The following ST6GALNAC3 variants were observed in gnomAD, a reference collection of about 807,000 sequenced individuals.
The protein encoded by ST6GALNAC3 is ST6 N-acetylgalactosaminide alpha-2,6-sialyltransferase 3.
Under a neutral mutation model 32.7 loss-of-function variants are expected in ST6GALNAC3, and 25 were observed. That is an observed-to-expected ratio of 0.76 (90% CI 0.56 to 1.07). The LOEUF is 1.07. Ranked by LOEUF, ST6GALNAC3 falls within the 50% of genes least tolerant of loss-of-function variation. The pLI, the probability that ST6GALNAC3 is intolerant of heterozygous loss-of-function variation, is 0.00. For synonymous variants in ST6GALNAC3, 129 were observed against 133.1 expected (o/e 0.97, Z 0.21); for missense variants, 355 against 382.4 (o/e 0.93, Z 0.60).
At chr1:76,518,383 G>A (rs1334163317) in intron 3 of ST6GALNAC3, among the ~76,000 whole-genome samples, 1 of 151,874 alleles carries the variant, frequency 6.6e-6, no homozygotes, top group African/African-American at 2.4e-5. Flanking sequence ...TTTTTAATGA[G>A]GAGTTTTACT....
intron 1 of ST6GALNAC3, among the ~76,000 whole-genome samples, chr1:76,291,659 G>C (rs1660101403): frequency 6.6e-6 from 1 of 152,154 alleles, no homozygotes. Flanking sequence ...GGATTGGTTA[G>C]TGTAGAGAAA....
At chr1:76,406,976 T>C (rs953262786) in intron 2 of ST6GALNAC3, among the ~76,000 whole-genome samples, 8 of 152,028 alleles carry the variant, frequency 5.3e-5, no homozygotes, top group African/African-American at 1.4e-4. Flanking sequence ...TTCAATCATG[T>C]GTATATCAAA....
At chr1:76,251,765 C>G (rs753653200) in intron 1 of ST6GALNAC3, among the ~76,000 whole-genome samples, 49 of 152,056 alleles carry the variant, frequency 3.2e-4, no homozygotes, top group African/African-American at 7.5e-4. Flanking sequence ...TTTTCAATCT[C>G]TTGCTCTTGT....
chr1:76,118,628 T>G (rs1342933456), intron 1 of ST6GALNAC3, among the ~76,000 whole-genome samples: 2 of 152,222 alleles, frequency 1.3e-5, no homozygotes, highest in Non-Finnish European at 2.9e-5. Flanking sequence ...GCTGCATCAA[T>G]ATGTATAAAG....
At chr1:76,625,457 G>GA (rs1227964593) in intron 3 of ST6GALNAC3, among the ~76,000 whole-genome samples, 1 of 150,762 alleles carries the variant, frequency 6.6e-6, no homozygotes, top group South Asian at 2.1e-4. Context: ...GTGAAAGGTA[G>GA]AAAAAAATAG....
At chr1:76,592,851 G>A (rs1647069996) in intron 3 of ST6GALNAC3, among the ~76,000 whole-genome samples, 1 of 152,212 alleles carries the variant, frequency 6.6e-6, no homozygotes, top group Admixed American at 6.5e-5. Context: ...TGGGGACGCA[G>A]AGGAGAGGAT....
At chr1:76,434,996 G>A (rs1656042454) in intron 3 of ST6GALNAC3, among the ~76,000 whole-genome samples, 1 of 151,626 alleles carries the variant, frequency 6.6e-6, no homozygotes, top group South Asian at 2.1e-4. Flanking sequence ...TCACCATGTT[G>A]GCCAGGCTGA....
intron 1 of ST6GALNAC3, among the ~76,000 whole-genome samples, chr1:76,218,258 G>C (rs563812851): frequency 5.3e-5 from 8 of 152,304 alleles, no homozygotes; most frequent in African/African-American, 1.9e-4. Flanking sequence ...GCTGGATATG[G>C]ATCTGATTAC....
intron 3 of ST6GALNAC3, among the ~76,000 whole-genome samples, chr1:76,533,689 C>T (rs369406614): frequency 6.6e-6 from 1 of 152,168 alleles, no homozygotes; most frequent in Non-Finnish European, 1.5e-5. Flanking sequence ...ATTCCTCTCT[C>T]AGCCTGAATA....
chr1:76,306,345 T>G (rs1292974859), intron 1 of ST6GALNAC3, among the ~76,000 whole-genome samples: 3 of 152,094 alleles, frequency 2.0e-5, no homozygotes, highest in Non-Finnish European at 4.4e-5. Context: ...TGGGTATGTC[T>G]TCCTCTTTCA....
chr1:76,340,381 T>C (rs1425035393), intron 2 of ST6GALNAC3, among the ~76,000 whole-genome samples: 1 of 152,208 alleles, frequency 6.6e-6, no homozygotes, highest in Non-Finnish European at 1.5e-5. Context: ...GGCAGGGACA[T>C]CATTGCTGCT....
chr1:76,096,323 A>AG (rs767984737), intron 1 of ST6GALNAC3, among the ~76,000 whole-genome samples: 411 of 152,286 alleles, frequency 2.7e-3, no homozygotes, highest in Non-Finnish European at 3.5e-3. Flanking sequence ...AAGAAAAAAA[A>AG]CAATCCTGGT....
At chr1:76,536,321 TTTA>T (rs1663594421) in intron 3 of ST6GALNAC3, among the ~76,000 whole-genome samples, 1 of 152,084 alleles carries the variant, frequency 6.6e-6, no homozygotes, top group Non-Finnish European at 1.5e-5. Flanking sequence ...GGCTGGGTAA[TTTA>T]TAAAGGAAAG....
chr1:76,404,363 T>C (rs1245820605), intron 2 of ST6GALNAC3, among the ~76,000 whole-genome samples: 1 of 152,096 alleles, frequency 6.6e-6, no homozygotes, highest in African/African-American at 2.4e-5. Context: ...CAGAACAGTC[T>C]TCACAATTCT....
chr1:76,596,243 A>T (rs1486908754), intron 3 of ST6GALNAC3, among the ~76,000 whole-genome samples: 1 of 152,152 alleles, frequency 6.6e-6, no homozygotes, highest in Non-Finnish European at 1.5e-5. Flanking sequence ...CCTACCTAAT[A>T]ACGTAGTCAT....
intron 1 of ST6GALNAC3, among the ~76,000 whole-genome samples, chr1:76,190,030 T>C (rs12731715): frequency 0.53 from 81,241 of 151,948 alleles, 23,642 homozygotes; most frequent in East Asian, 0.88. Context: ...TTTATAAGAA[T>C]CTTCTGACTT....
chr1:76,608,533 G>A (rs1038916093), intron 3 of ST6GALNAC3, among the ~76,000 whole-genome samples: 14 of 151,648 alleles, frequency 9.2e-5, no homozygotes, highest in East Asian at 1.9e-4. Context: ...ATATAGGATC[G>A]TCAAGAGAGA....
chr1:76,399,594 T>C (rs1653246843), intron 2 of ST6GALNAC3, among the ~76,000 whole-genome samples: 1 of 152,204 alleles, frequency 6.6e-6, no homozygotes, highest in Non-Finnish European at 1.5e-5. Flanking sequence ...GATCAGTTTG[T>C]AGAGTTCCAT....
intron 3 of ST6GALNAC3, among the ~76,000 whole-genome samples, chr1:76,558,759 A>G (rs978947160): frequency 1.3e-5 from 2 of 152,214 alleles, no homozygotes; most frequent in Non-Finnish European, 2.9e-5. Context: ...AAAGTTGAAA[A>G]TAAAGTAAAA....
Sources: allele counts gnomAD v4.1 joint callset (sites outside exome capture counted in the v4.1 genomes callset), GRCh38; gene constraint gnomAD v4.1.1; transcripts MANE v1.5; gene names NCBI Gene and HGNC (gene_info 2026-07-23, HGNC 2026-07-21).